The following ASIC2 variants were observed in gnomAD, a reference collection of about 807,000 sequenced individuals.
ASIC2 encodes acid sensing ion channel subunit 2, also known as acid-sensing ion channel 2.
A neutral mutation model predicts 57.3 loss-of-function variants in ASIC2; 25 were observed. The ratio of observed to expected loss-of-function variants is 0.44; its 90% CI spans 0.32 to 0.61. The LOEUF (loss-of-function observed/expected upper bound fraction) is 0.61. Among genes scored for constraint, ASIC2 ranks in the 20% least tolerant of loss-of-function variants. The probability of loss-of-function intolerance (pLI) is 0.06; values close to 1 mark genes in which losing one functional copy is unlikely to be tolerated. For synonymous variants in ASIC2, 319 were observed against 307.5 expected, an observed-to-expected ratio of 1.04 and a Z score of -0.39; for missense variants, 641 against 738.1, an observed-to-expected ratio of 0.87 and a Z score of 1.52.
intron 1 of ASIC2, among the ~76,000 whole-genome samples, chr17:34,153,676 G>T (rs1383130457): frequency 6.6e-6 from 1 of 152,134 alleles, no homozygotes; most frequent in African/African-American, 2.4e-5. Context: ...TGCTTTTTCT[G>T]ATACTCCCTG....
intron 1 of ASIC2, among the ~76,000 whole-genome samples, chr17:33,727,702 G>A (rs1052362918): frequency 6.6e-6 from 1 of 152,208 alleles, no homozygotes; most frequent in Non-Finnish European, 1.5e-5. Context: ...CGGATGGCCA[G>A]TATCATGCTT....
chr17:34,037,891 A>G (rs1304937660), intron 1 of ASIC2: 1 of 1,613,744 alleles, frequency 6.2e-7, no homozygotes, highest in Non-Finnish European at 8.5e-7. Flanking sequence ...GAGACTGGTT[A>G]TGGCCAAAAG....
At chr17:33,682,812 T>C (rs1274627858) in intron 1 of ASIC2, among the ~76,000 whole-genome samples, 1 of 152,178 alleles carries the variant, frequency 6.6e-6, no homozygotes, top group Non-Finnish European at 1.5e-5. Flanking sequence ...TCAGGGGAGA[T>C]AACTTTGGAG....
intron 1 of ASIC2, among the ~76,000 whole-genome samples, chr17:33,394,626 G>T (rs1910011437): frequency 6.6e-6 from 1 of 152,164 alleles, no homozygotes; most frequent in Non-Finnish European, 1.5e-5. Context: ...AGACAGGGCT[G>T]GGACTAGGGT....
At chr17:33,798,495 C>A (rs190143412) in intron 1 of ASIC2, among the ~76,000 whole-genome samples, 2 of 152,130 alleles carry the variant, frequency 1.3e-5, no homozygotes, top group African/African-American at 4.8e-5. Context: ...AGCCATCAAG[C>A]GAATGAGACT....
chr17:33,796,325 C>A (rs982521273), intron 1 of ASIC2, among the ~76,000 whole-genome samples: 4 of 152,030 alleles, frequency 2.6e-5, no homozygotes, highest in Non-Finnish European at 5.9e-5. Flanking sequence ...CTAGTATCTG[C>A]CAGTTTGTGT....
intron 1 of ASIC2, among the ~76,000 whole-genome samples, chr17:33,780,550 A>G (rs2142128104): frequency 6.6e-6 from 1 of 152,362 alleles, no homozygotes; most frequent in South Asian, 2.1e-4. Context: ...TTACAGCCAA[A>G]GGGACCTGAG....
chr17:33,956,960 C>T (rs1904753701), intron 1 of ASIC2, among the ~76,000 whole-genome samples: 1 of 152,192 alleles, frequency 6.6e-6, no homozygotes, highest in Non-Finnish European at 1.5e-5. Context: ...TGCTCTGTGG[C>T]CACCTGGCCA....
At chr17:33,221,074 A>G (rs1185065553) in intron 1 of ASIC2, among the ~76,000 whole-genome samples, 1 of 152,182 alleles carries the variant, frequency 6.6e-6, no homozygotes, top group Non-Finnish European at 1.5e-5. Flanking sequence ...TTGTCTCAAA[A>G]AAAATAAAAT....
At chr17:33,816,126 A>T (rs1001973493) in intron 1 of ASIC2, among the ~76,000 whole-genome samples, 3 of 116,524 alleles carry the variant, frequency 2.6e-5, no homozygotes, top group Non-Finnish European at 4.8e-5. Flanking sequence ...CTTCCAGAGC[A>T]GGTGACACAT....
chr17:34,009,929 C>T (rs778297772), intron 1 of ASIC2, among the ~76,000 whole-genome samples: 8 of 152,190 alleles, frequency 5.3e-5, no homozygotes, highest in Non-Finnish European at 1.2e-4. Flanking sequence ...ACACTAAATG[C>T]AGGCTTGCTC....
chr17:33,070,860 G>A (rs969216330), intron 3 of ASIC2, among the ~76,000 whole-genome samples: 1 of 150,154 alleles, frequency 6.7e-6, no homozygotes, highest in Non-Finnish European at 1.5e-5. Flanking sequence ...ATTTTTGGAG[G>A]CATTTTTACT....
Position 34,037,805 on chromosome 17 carries a change from G to C in ASIC2, c.555+118173C>G, listed in dbSNP as rs1907949760. ...TCGTCGAATCAACGCCTTTGCTTCA[G>C]GTGTTACTACCGGCTTTGGCGGGAA... On this transcript the variant is annotated intron_variant, in intron 1 of 9. Transcript: ENST00000359872. 7 of 1,614,064 alleles carry C rather than the reference G, an allele frequency of 4.3e-6. No homozygotes were observed. The South Asian group carries it at 7.7e-5, about 18-fold the overall frequency.
At chr17:33,062,043 C>A (rs199672115) in intron 3 of ASIC2, among the ~76,000 whole-genome samples, 1 of 151,962 alleles carries the variant, frequency 6.6e-6, no homozygotes, top group Admixed American at 6.6e-5. Context: ...CTATTTGATT[C>A]TTCTCTCTTT....
chr17:33,457,966 A>T (rs974997040), intron 1 of ASIC2, among the ~76,000 whole-genome samples: 1 of 152,160 alleles, frequency 6.6e-6, no homozygotes. Flanking sequence ...TCCAGTTACA[A>T]TGGAGGAAAT....
At chr17:33,908,389 G>T (rs1192282217) in intron 1 of ASIC2, among the ~76,000 whole-genome samples, 1 of 152,208 alleles carries the variant, frequency 6.6e-6, no homozygotes, top group Non-Finnish European at 1.5e-5. Flanking sequence ...TTTCTGCTGT[G>T]TACATAGAGA....
chr17:33,424,846 C>G (rs573873730), intron 1 of ASIC2, among the ~76,000 whole-genome samples: 1 of 152,152 alleles, frequency 6.6e-6, no homozygotes, highest in Non-Finnish European at 1.5e-5. Context: ...CTCCTAGGGG[C>G]GGGCCAGGAT....
rs1013491064 is a variant in ASIC2, at chr17:33,960,876, C to T, written c.555+195102G>A. 2.0e-5 allele frequency among the ~76,000 whole-genome samples: 3 copies of T among 152,152 alleles called. No individual in the cohort carries two copies. The East Asian group carries it at 5.8e-4, about 29-fold the overall frequency. ...CCCTATCCCAGAATATAAGGCCCCG[C>T]GAGAGTCAGATCCGTGCTGCTCTAA... On this transcript the variant is annotated intron_variant, in intron 1 of 9. Coordinates refer to the ASIC2 transcript ENST00000359872.
At chr17:33,355,583 A>G (rs1908345196) in intron 1 of ASIC2, among the ~76,000 whole-genome samples, 1 of 152,118 alleles carries the variant, frequency 6.6e-6, no homozygotes, top group Non-Finnish European at 1.5e-5. Flanking sequence ...AGCTTTTAAG[A>G]TTGTAAATTA....
Sources: gnomAD v4.1 joint callset for allele counts (sites outside exome capture counted in the v4.1 genomes callset) on GRCh38, gnomAD v4.1.1 for gene constraint, MANE v1.5 for transcripts, NCBI Gene and HGNC (gene_info 2026-07-23, HGNC 2026-07-21) for gene names.